ITPR1: variants seen among roughly 807,000 people sequenced by gnomAD.
The protein encoded by ITPR1 is inositol 1,4,5-trisphosphate receptor type 1, also known as inositol 1,4,5-trisphosphate-gated calcium channel ITPR1.
In ITPR1, 96 loss-of-function variants were observed where a neutral mutation model predicts 318.4. That is an observed-to-expected ratio of 0.30 (90% confidence interval 0.26 to 0.36). The LOEUF (loss-of-function observed/expected upper bound fraction) is 0.36. Among genes scored for constraint, ITPR1 ranks in the 10% least tolerant of loss-of-function variants. ITPR1 has a pLI of 1.00. For missense variants in ITPR1, 2,440 were observed against 3,460.2 expected, an observed-to-expected ratio of 0.71 and a Z score of 7.40; for synonymous variants, 1,312 against 1,289.9, an observed-to-expected ratio of 1.02 and a Z score of -0.37.
At chr3:4,677,039 G>C (rs978060650) in intron 24 of ITPR1, among the ~76,000 whole-genome samples, 3 of 152,116 alleles carry the variant, frequency 2.0e-5, no homozygotes, top group Non-Finnish European at 4.4e-5. Flanking sequence ...TGTTATCTTA[G>C]CTTTCCATGA....
At chr3:4,791,693 A>T (rs1238494594) in intron 52 of ITPR1, among the ~76,000 whole-genome samples, 4 of 152,204 alleles carry the variant, frequency 2.6e-5, no homozygotes, top group Non-Finnish European at 5.9e-5. Flanking sequence ...TGGGCAGACA[A>T]CAACGGCATA....
chr3:4,839,008 G>A (rs1432764273), intron 61 of ITPR1, among the ~76,000 whole-genome samples: 3 of 152,212 alleles, frequency 2.0e-5, no homozygotes, highest in Admixed American at 1.3e-4. Flanking sequence ...AAAGGAGTGA[G>A]TTGAGCTGAG....
At chr3:4,510,125 T>G (rs2081693800) in intron 2 of ITPR1, among the ~76,000 whole-genome samples, 1 of 151,030 alleles carries the variant, frequency 6.6e-6, no homozygotes, top group Admixed American at 6.6e-5. Flanking sequence ...TGAAGGTGAG[T>G]GGGAGTTAGC....
chr3:4,715,101 A>G (rs1291957514), intron 39 of ITPR1, among the ~76,000 whole-genome samples: 2 of 152,240 alleles, frequency 1.3e-5, no homozygotes, highest in Non-Finnish European at 2.9e-5. Flanking sequence ...AAGAGAAAAC[A>G]TAGGCTCTGA....
At chr3:4,781,632 C>T (rs1208844724) in intron 49 of ITPR1, among the ~76,000 whole-genome samples, 1 of 152,200 alleles carries the variant, frequency 6.6e-6, no homozygotes, top group Non-Finnish European at 1.5e-5. Context: ...AGCTCACCAC[C>T]TGTGACTTTA....
intron 60 of ITPR1, among the ~76,000 whole-genome samples, chr3:4,836,063 G>A (rs139218684): frequency 1.8e-4 from 28 of 152,240 alleles, no homozygotes; most frequent in African/African-American, 5.5e-4. Flanking sequence ...CCTCACCCAC[G>A]CAAACGCATA....
intron 60 of ITPR1, among the ~76,000 whole-genome samples, chr3:4,824,718 G>A (rs1191635555): frequency 1.3e-5 from 2 of 152,064 alleles, no homozygotes; most frequent in Non-Finnish European, 1.5e-5. Context: ...GATACTGACC[G>A]GCTCATGCAT....
intron 9 of ITPR1, 24 bp from the exon 10 acceptor site, chr3:4,645,558 A>G: frequency 6.2e-7 from 1 of 1,611,216 alleles, no homozygotes; most frequent in Non-Finnish European, 8.5e-7. Context: ...TTTTTCCTTA[A>G]TTCTTTCTTG....
At chr3:4,562,969 C>T (rs1439717227) in intron 4 of ITPR1, among the ~76,000 whole-genome samples, 3 of 151,346 alleles carry the variant, frequency 2.0e-5, no homozygotes, top group African/African-American at 7.3e-5. Context: ...GATGGGTGGG[C>T]CAGCACTAGA....
At chr3:4,502,622 G>T (rs2081104721) in intron 2 of ITPR1, among the ~76,000 whole-genome samples, 1 of 151,792 alleles carries the variant, frequency 6.6e-6, no homozygotes, top group Non-Finnish European at 1.5e-5. Flanking sequence ...TATATTTTTA[G>T]TAGAGATGGG....
chr3:4,733,033 C>T (rs2043034771), intron 42 of ITPR1, 55 bp from the exon 43 acceptor site: 2 of 1,565,248 alleles, frequency 1.3e-6, no homozygotes, highest in Non-Finnish European at 1.7e-6. Flanking sequence ...GAATATTCGT[C>T]CCTCGGTGAT....
intron 46 of ITPR1, 97 bp downstream of exon 46, chr3:4,768,861 T>G: frequency 1.6e-6 from 2 of 1,218,830 alleles, no homozygotes; most frequent in South Asian, 3.1e-5. Context: ...TGGGCCAGAT[T>G]GCTTGAGCCA....
chr3:4,555,403 T>C (rs960764808), intron 4 of ITPR1, among the ~76,000 whole-genome samples: 1 of 152,230 alleles, frequency 6.6e-6, no homozygotes, highest in Admixed American at 6.5e-5. Flanking sequence ...TGAAGGCATA[T>C]AGGCGTATAT....
chr3:4,845,242 A>G (rs567789327), intron 61 of ITPR1, among the ~76,000 whole-genome samples: 147 of 152,360 alleles, frequency 9.6e-4, no homozygotes, highest in Non-Finnish European at 1.8e-3. Flanking sequence ...CTTGCAGACA[A>G]CAATTTTCTT....
At chr3:4,576,781 TG>T (rs1439678143) in intron 4 of ITPR1, among the ~76,000 whole-genome samples, 7 of 152,368 alleles carry the variant, frequency 4.6e-5, no homozygotes, top group Admixed American at 3.9e-4. Flanking sequence ...ATGTGGAGGC[TG>T]GAACATACCT....
rs2093921997 is a variant in ITPR1 at position 4,665,284 on chromosome 3, C to T, written c.1701C>T (p.Tyr567=). The change falls in exon 17 of 62, where the codon TAC becomes TAT. Residue 567 remains tyrosine, a synonymous_variant. Coordinates refer to ENST00000649015, the MANE Select transcript of ITPR1 (RefSeq NM_001378452.1). ...TGCTGAGACACTCGCAGCAAGACTA[C>T]AGGAAGAACCAGGTTTGGATTAAGC... is the stretch of plus-strand genomic sequence containing the variant. ...YRVLRHSQQD[Y]RKNQEYIAKQ... The T allele has an allele frequency of 1.9e-6, 3 of 1,610,792 alleles. No homozygotes were observed. The highest frequency in any genetic ancestry group is 2.5e-6 in the Non-Finnish European group (3 of 1,177,306).
chr3:4,829,089 G>C (rs1470212), intron 60 of ITPR1, among the ~76,000 whole-genome samples: 11 of 152,218 alleles, frequency 7.2e-5, no homozygotes, highest in African/African-American at 2.7e-4. Context: ...TTTCCAGTTT[G>C]TGGGACATTT....
At chr3:4,838,652 C>G (rs187002276) in intron 61 of ITPR1, among the ~76,000 whole-genome samples, 1 of 152,340 alleles carries the variant, frequency 6.6e-6, no homozygotes, top group African/African-American at 2.4e-5. Flanking sequence ...TTGTTTCACA[C>G]CCGTGGTACT....
chr3:4,514,798 T>C (rs1033573135), intron 2 of ITPR1, among the ~76,000 whole-genome samples: 2 of 152,238 alleles, frequency 1.3e-5, no homozygotes, highest in African/African-American at 4.8e-5. Flanking sequence ...CTTTATAATA[T>C]AAGCGCAGAA....
Sources: allele counts gnomAD v4.1 joint callset (sites outside exome capture counted in the v4.1 genomes callset), GRCh38; gene constraint gnomAD v4.1.1; transcripts MANE v1.5; gene names NCBI Gene and HGNC (gene_info 2026-07-23, HGNC 2026-07-21).